The following TSC22D4 variants were observed in gnomAD, a reference collection of about 807,000 sequenced individuals.
TSC22D4 encodes TSC22 domain family member 4.
Under a neutral mutation model 24.9 loss-of-function variants are expected in TSC22D4, and 5 were observed. The observed-to-expected ratio is 0.20, with a 90% CI of 0.10 to 0.42. The LOEUF (loss-of-function observed/expected upper bound fraction) is 0.42, where lower values mean the gene tolerates loss of function less well. TSC22D4 is among the 10% of genes least tolerant of loss of function. TSC22D4 has a pLI of 1.00. For synonymous variants in TSC22D4, 245 were observed against 243.2 expected, an observed-to-expected ratio of 1.01 and a Z score of -0.07; for missense variants, 469 against 547.9, an observed-to-expected ratio of 0.86 and a Z score of 1.44.
chr7:100,469,838 C>T lies in TSC22D4; in HGVS notation c.930-2238G>A, dbSNP rs537028779. On this transcript the variant is annotated intron_variant, in intron 3 of 4. Transcript: ENST00000300181. The stretch of plus-strand genomic sequence containing the variant: ...AAGGTGACCCCTGGATAAGGTCCTG[C>T]AGCCAGGAAGGGAGCACAAGGGAGC... Among the ~76,000 whole-genome samples, 3 of 152,318 alleles carry T rather than the reference C, an allele frequency of 2.0e-5. No individual in the cohort carries two copies. The South Asian group carries it at 6.2e-4, about 32-fold the overall frequency.
At position 100,474,844 on chromosome 7, in the gene TSC22D4, C is replaced by G. The variant is rs1199211824; in HGVS notation, c.763-404G>C. Reference sequence around the variant, plus strand: ...TTTGAGACAGTCTCACTCTGTCACCCAGGCTGGAGTGAAGTGGCACAATCA... The same window carrying G: ...TTTGAGACAGTCTCACTCTGTCACCGAGGCTGGAGTGAAGTGGCACAATCA... On this transcript the variant is annotated intron_variant, in intron 2 of 4. Transcript: ENST00000300181. The surrounding 1 kb of genome is among the most constrained non-coding windows in gnomAD (Gnocchi z 4.3). 6.6e-6 allele frequency among the ~76,000 whole-genome samples: 1 copy of G among 152,188 alleles called. No homozygotes were observed. The highest frequency in any genetic ancestry group is 2.4e-5 in the African/African-American group (1 of 41,450).
At chr7:100,469,327 A>G (rs1214344120) in intron 3 of TSC22D4, among the ~76,000 whole-genome samples, 1 of 151,702 alleles carries the variant, frequency 6.6e-6, no homozygotes, top group East Asian at 1.9e-4. Flanking sequence ...GAGCTTGGAG[A>G]AGGGACACTG....
Position 100,478,911 on chromosome 7 carries a change from G to C in TSC22D4, c.-387C>G, listed in dbSNP as rs1339162693. On this transcript the variant is annotated 5_prime_UTR_variant, in exon 1 of 5. Coordinates refer to ENST00000300181, the MANE Select transcript of TSC22D4 (RefSeq NM_030935.5). ...TGGCGGGGCACGCAGGCGGCGATCA[G>C]AGGCTGTCCCGTCCTCTCCGGGGGC... The C allele has an allele frequency of 1.3e-5, 2 of 152,246 alleles. No individual in the cohort carries two copies. Among genetic ancestry groups the C allele is most frequent in the East Asian group, 3.9e-4 (2 of 5,170 alleles). 9.4% of individuals were successfully genotyped at this position (152,246 alleles called of 1,614,324 possible).
At chr7:100,469,185 C>T (rs1799347292) in intron 3 of TSC22D4, among the ~76,000 whole-genome samples, 1 of 150,956 alleles carries the variant, frequency 6.6e-6, no homozygotes, top group South Asian at 2.1e-4. Flanking sequence ...CGAGATCGTG[C>T]CACTGAATTC....
At position 100,470,815 on chromosome 7, in the gene TSC22D4, C is replaced by A. The variant is rs557150559; in HGVS notation, c.930-3215G>T. ...TGTATGGATTAGAAAATGCCCCCTT[C>A]TTCGAGATCCTTAATGCCATCTTCT... is the stretch of plus-strand genomic sequence containing the variant. On this transcript the variant is annotated intron_variant, in intron 3 of 4. Transcript: ENST00000300181. 3.3e-5 allele frequency among the ~76,000 whole-genome samples: 5 copies of A among 152,300 alleles called. 1 individual carries two copies. The highest frequency in any genetic ancestry group is 2.0e-4 in the Admixed American group (3 of 15,284).
Position 100,474,305 on chromosome 7 carries a change from T to C in TSC22D4, c.898A>G (p.Ile300Val). ...TCGTCGCTGTCTAGGTGACCACTGA[T>C]GGCCAACATGGAGTGGGCCAGGCTG... ...KFSLAHSMLA[I>V]SGHLDSDDDS... is the part of the protein sequence containing the mutation. Residue 300 changes from isoleucine to valine, a missense_variant, in exon 3 of 5, where the codon ATC (isoleucine) becomes GTC (valine). Coordinates refer to ENST00000300181, the MANE Select transcript of TSC22D4 (RefSeq NM_030935.5). This position sits in a 1 kb window ranked among gnomAD's most constrained non-coding sequence, Gnocchi z 4.3. The C allele has an allele frequency of 6.2e-7, 1 of 1,614,142 alleles. No individual in the cohort carries two copies. The highest frequency in any genetic ancestry group is 8.5e-7 in the Non-Finnish European group (1 of 1,180,016).
At chr7:100,471,017 G>A (rs1412382256) in intron 3 of TSC22D4, among the ~76,000 whole-genome samples, 1 of 152,090 alleles carries the variant, frequency 6.6e-6, no homozygotes, top group Non-Finnish European at 1.5e-5. Context: ...CAAATAAAAC[G>A]GCCTCAACAT....
intron 3 of TSC22D4, among the ~76,000 whole-genome samples, chr7:100,468,264 C>T (rs1480803100): frequency 1.3e-5 from 2 of 151,728 alleles, no homozygotes; most frequent in African/African-American, 2.4e-5. Flanking sequence ...GGGAGGGGGC[C>T]GGCCGAGGAA....
In TSC22D4 at chr7:100,474,279, A is replaced by T. The variant is rs1563181996; in HGVS notation, c.924T>A (p.Asp308Glu). 1 of 1,613,730 alleles carries T rather than the reference A, an allele frequency of 6.2e-7. No homozygotes were observed. ...LAISGHLDSD[D>E]DSGSGSLVGI... ...ACCCCACGAAGCCCACCTACCTATC[A>T]TCGTCGCTGTCTAGGTGACCACTGA... is the stretch of plus-strand genomic sequence containing the variant. The change falls in exon 3 of 5, where the codon GAT becomes GAA. Residue 308 changes from aspartate (D) to glutamate (E), a missense_variant. Coordinates refer to ENST00000300181, the MANE Select transcript of TSC22D4 (RefSeq NM_030935.5). The surrounding 1 kb of genome is among the most constrained non-coding windows in gnomAD (Gnocchi z 4.3).
At chr7:100,468,805 A>T (rs1306266353) in intron 3 of TSC22D4, among the ~76,000 whole-genome samples, 1 of 151,654 alleles carries the variant, frequency 6.6e-6, no homozygotes, top group Non-Finnish European at 1.5e-5. Context: ...GGCGTGGTGG[A>T]GGGTGCCAGC....
chr7:100,477,629 G>T lies in TSC22D4; in HGVS notation c.410C>A (p.Ala137Asp), dbSNP rs1342398145. The T allele has an allele frequency of 2.5e-6, 4 of 1,596,688 alleles. No homozygotes were observed. Among genetic ancestry groups the T allele is most frequent in the East Asian group, 2.2e-5 (1 of 44,542 alleles). Residue 137 changes from alanine to aspartate, a missense_variant, in exon 2 of 5, where the codon GCC becomes GAC. Coordinates refer to ENST00000300181, the MANE Select transcript of TSC22D4 (RefSeq NM_030935.5). This position sits in a 1 kb window ranked among gnomAD's most constrained non-coding sequence, Gnocchi z 7.8. ...AGACAGGCCTGACGGTGGGGTGGGG[G>T]CGCCCAGGCCGAGGCTGGCCAGCTC... is the stretch of plus-strand genomic sequence containing the variant. ...RLELASLGLG[A>D]PTPPSGLSQG... is the part of the protein sequence containing the mutation.
In TSC22D4 at chr7:100,477,125, T is replaced by C. The variant is rs1192753914; in HGVS notation, c.762+152A>G. ...AGAAAATGAAGTAGGAGGAAGGGGC[T>C]TCAGAGTGACCTGGCAGGCACAGAG... On this transcript the variant is annotated intron_variant, in intron 2 of 4. Transcript: ENST00000300181. This position sits in a 1 kb window ranked among gnomAD's most constrained non-coding sequence, Gnocchi z 7.8. 3 of 616,566 alleles carry C rather than the reference T, an allele frequency of 4.9e-6. No homozygotes were observed. Among genetic ancestry groups the C allele is most frequent in the South Asian group, 5.2e-5 (1 of 19,266 alleles). 38.2% of individuals were successfully genotyped at this position (616,566 alleles called of 1,614,324 possible). A position where few individuals can be genotyped will look rare whatever the true frequency, so the allele number is the denominator to read the frequency against.
rs773018910 is a variant in TSC22D4 at position 100,477,571 on chromosome 7, G to A, written c.468C>T (p.Pro156=). 2 of 1,581,078 alleles carry A rather than the reference G, an allele frequency of 1.3e-6. No individual in the cohort carries two copies. The highest frequency in any genetic ancestry group is 1.7e-6 in the Non-Finnish European group (2 of 1,164,426). Residue 156 remains proline, a synonymous_variant, in exon 2 of 5, where the codon CCC becomes CCT. Transcript: ENST00000300181. This position sits in a 1 kb window ranked among gnomAD's most constrained non-coding sequence, Gnocchi z 7.8. ...AGCGGGCCTGAGGTCCAGGAGAGGT[G>A]GGGGGTGGACGGAGCCAGGAGGTGG... The part of the protein sequence containing the change: ...QGPTSWLRPP[P]TSPGPQARSF...
At chr7:100,469,481 T>C (rs1182646640) in intron 3 of TSC22D4, among the ~76,000 whole-genome samples, 39 of 152,030 alleles carry the variant, frequency 2.6e-4, no homozygotes, top group Non-Finnish European at 3.5e-4. Context: ...CTCCACGACG[T>C]TGGGCTCCTG....
In TSC22D4 at chr7:100,471,398, C is replaced by G. The variant is rs181668521; in HGVS notation, c.929+2876G>C. On this transcript the variant is annotated intron_variant, in intron 3 of 4. Transcript: ENST00000300181. ...CTTTGGAGTTGGACCCAGGCTCCAG[C>G]TGCAGTCCAGCCACTTAAACTAGCT... 2.0e-3 allele frequency among the ~76,000 whole-genome samples: 299 copies of G among 152,314 alleles called. 1 individual carries two copies. Among genetic ancestry groups the G allele is most frequent in the Non-Finnish European group, 3.4e-3 (228 of 68,034 alleles).
chr7:100,478,313 A>C lies in TSC22D4; in HGVS notation c.-269-6T>G. On this transcript the variant is annotated splice_polypyrimidine_tract_variant and splice_region_variant and intron_variant, in intron 1 of 4. Transcript: ENST00000300181. ...TCCAGAGCTGAGTTTGCAAACTGGAAAAAGAGGGGGAGAGAGAGAGAGAGA... is the reference window on the plus strand; with the variant it reads ...TCCAGAGCTGAGTTTGCAAACTGGACAAAGAGGGGGAGAGAGAGAGAGAGA... 1 of 355,946 alleles carries C rather than the reference A, an allele frequency of 2.8e-6. No homozygotes were observed. Among genetic ancestry groups the C allele is most frequent in the Non-Finnish European group, 5.1e-6 (1 of 197,624 alleles). The allele number at this position is 355,946 out of a possible 1,614,324, so 22.0% of individuals were successfully genotyped here.
intron 3 of TSC22D4, among the ~76,000 whole-genome samples, chr7:100,473,052 TC>T (rs1323102018): frequency 6.6e-6 from 1 of 152,036 alleles, no homozygotes; most frequent in Non-Finnish European, 1.5e-5. Context: ...TTCCTATCAG[TC>T]CCCGGGGAGA....
Position 100,468,162 on chromosome 7 carries a change from C to T in TSC22D4, c.930-562G>A, listed in dbSNP as rs978083070. The T allele has an allele frequency of 1.6e-4, 50 of 313,462 alleles. 1 individual carries two copies. The East Asian group carries it at 2.9e-3, about 18-fold the overall frequency. The allele number at this position is 313,462 out of a possible 1,614,324, so 19.4% of individuals were successfully genotyped here. On this transcript the variant is annotated intron_variant, in intron 3 of 4. Transcript: ENST00000300181. ...TGGCTCCTTGGGGACACGGGGACCC[C>T]CCCTCCTTTCAGCTCCTCGGTGGGC...
At chr7:100,478,662 CCCCAGCCTGG>C (rs1318743263) in intron 1 of TSC22D4, 122 bp downstream of exon 1, 1 of 152,646 alleles carries the variant, frequency 6.6e-6, no homozygotes, top group African/African-American at 2.4e-5. Context: ...TGAAGCAGCT[CCCCAGCCTGG>C]CCCGGCCACT....
Sources: gnomAD v4.1 joint callset for allele counts (sites outside exome capture counted in the v4.1 genomes callset) on GRCh38, gnomAD v4.1.1 for gene constraint, Gnocchi (gnomAD v3.1) non-coding constraint, MANE v1.5 for transcripts, NCBI Gene and HGNC (gene_info 2026-07-23, HGNC 2026-07-21) for gene names.